The following KLHL2 variants were observed in gnomAD, a reference collection of about 807,000 sequenced individuals.
KLHL2 encodes the protein kelch-like protein 2.
KLHL2 carries 15 observed loss-of-function variants against 75.8 expected under a neutral mutation model. The ratio of observed to expected loss-of-function variants is 0.20; its 90% CI spans 0.13 to 0.30. The LOEUF (loss-of-function observed/expected upper bound fraction) is 0.30. KLHL2 is among the 10% of genes least tolerant of loss of function. KLHL2 has a pLI of 1.00. For missense variants in KLHL2, 381 were observed against 741.0 expected, an observed-to-expected ratio of 0.51 and a Z score of 5.64; for synonymous variants, 214 against 251.9, an observed-to-expected ratio of 0.85 and a Z score of 1.42.
At chr4:165,274,994 C>T (rs1742969288) in intron 5 of KLHL2, among the ~76,000 whole-genome samples, 1 of 152,162 alleles carries the variant, frequency 6.6e-6, no homozygotes, top group Non-Finnish European at 1.5e-5. Flanking sequence ...TTCTCCAAGG[C>T]GTGGAGTGAC....
chr4:165,242,107 G>GT (rs33991007), intron 4 of KLHL2, among the ~76,000 whole-genome samples: 21 of 151,250 alleles, frequency 1.4e-4, no homozygotes, highest in Non-Finnish European at 1.9e-4. Flanking sequence ...GAATTTACAG[G>GT]TTTTTTTTTA....
At chr4:165,286,090 C>A (rs1744071037) in intron 5 of KLHL2, among the ~76,000 whole-genome samples, 1 of 152,156 alleles carries the variant, frequency 6.6e-6, no homozygotes, top group South Asian at 2.1e-4. Flanking sequence ...ATTAGAGAAT[C>A]TTTATCAAAG....
chr4:165,262,951 A>T (rs1741817549), intron 4 of KLHL2, among the ~76,000 whole-genome samples: 1 of 152,122 alleles, frequency 6.6e-6, no homozygotes, highest in Non-Finnish European at 1.5e-5. Flanking sequence ...ATCTTATAAG[A>T]TCTGATATCT....
At chr4:165,219,344 T>A (rs1737801731) in intron 1 of KLHL2, among the ~76,000 whole-genome samples, 1 of 152,224 alleles carries the variant, frequency 6.6e-6, no homozygotes, top group Admixed American at 6.5e-5. Flanking sequence ...GCTCAGAGAG[T>A]TGTTGTGAGG....
At chr4:165,293,751 T>C (rs1032136444) in intron 5 of KLHL2, among the ~76,000 whole-genome samples, 45 of 151,050 alleles carry the variant, frequency 3.0e-4, no homozygotes, top group African/African-American at 1.1e-3. Flanking sequence ...CTCCTGACCT[T>C]GTGATCCGCC....
chr4:165,229,782 G>A (rs1738736891), intron 3 of KLHL2, among the ~76,000 whole-genome samples: 1 of 152,234 alleles, frequency 6.6e-6, no homozygotes, highest in Non-Finnish European at 1.5e-5. Flanking sequence ...TGACGGCTGT[G>A]ATGGGCAGCA....
chr4:165,308,937 T>G (rs1293013744), intron 9 of KLHL2, among the ~76,000 whole-genome samples: 1 of 152,152 alleles, frequency 6.6e-6, no homozygotes, highest in Non-Finnish European at 1.5e-5. Context: ...GAGGACTGCA[T>G]TTCCGTGTAT....
intron 2 of KLHL2, among the ~76,000 whole-genome samples, chr4:165,222,074 T>C (rs1303470843): frequency 6.6e-6 from 1 of 152,046 alleles, no homozygotes; most frequent in Non-Finnish European, 1.5e-5. Context: ...GGCTTTCTGC[T>C]GGTGTTAATG....
At chr4:165,232,478 C>G (rs111676979) in intron 3 of KLHL2, among the ~76,000 whole-genome samples, 30,933 of 151,480 alleles carry the variant, frequency 0.2, 3,808 homozygotes, top group Non-Finnish European at 0.29. Context: ...TGCCTGTAAT[C>G]CCAGCACTTT....
At chr4:165,215,747 A>G (rs1279513380) in intron 1 of KLHL2, among the ~76,000 whole-genome samples, 4 of 152,136 alleles carry the variant, frequency 2.6e-5, no homozygotes, top group Non-Finnish European at 5.9e-5. Context: ...AAAATACAAC[A>G]TATTTTCTAA....
intron 6 of KLHL2, among the ~76,000 whole-genome samples, chr4:165,295,302 A>G (rs1183624589): frequency 1.3e-5 from 2 of 152,182 alleles, no homozygotes; most frequent in East Asian, 3.8e-4. Context: ...TCTCAAGGCT[A>G]TTCATTTCAC....
In KLHL2 at chr4:165,224,061, C is replaced by G. The variant is rs558531388; in HGVS notation, c.152+4002C>G. 414 of 283,590 alleles carry G rather than the reference C, an allele frequency of 1.5e-3. 11 individuals are homozygous for G. The highest frequency in any genetic ancestry group is 0.011 in the South Asian group (411 of 36,918). 17.6% of individuals were successfully genotyped at this position (283,590 alleles called of 1,614,324 possible). ...TCCCGAGTAGCTGGGATTACAGGTGCGTGCCGTCACACCCAGCTAATTTTT... is the reference window on the plus strand; with the variant it reads ...TCCCGAGTAGCTGGGATTACAGGTGGGTGCCGTCACACCCAGCTAATTTTT... On this transcript the variant is annotated intron_variant, in intron 2 of 14. Transcript: ENST00000226725.
chr4:165,263,723 T>A (rs1212586238), intron 5 of KLHL2, among the ~76,000 whole-genome samples: 1 of 151,552 alleles, frequency 6.6e-6, no homozygotes, highest in Non-Finnish European at 1.5e-5. Flanking sequence ...GCTGTATGTA[T>A]TTTTCTTTCA....
At chr4:165,253,683 A>G (rs1041403544) in intron 4 of KLHL2, among the ~76,000 whole-genome samples, 3 of 152,086 alleles carry the variant, frequency 2.0e-5, no homozygotes, top group African/African-American at 7.2e-5. Context: ...TTCCCAATAA[A>G]TCTCCCACTC....
At chr4:165,231,406 G>A (rs1738876353) in intron 3 of KLHL2, among the ~76,000 whole-genome samples, 3 of 152,050 alleles carry the variant, frequency 2.0e-5, no homozygotes, top group South Asian at 4.1e-4. Context: ...CCAAGATGGT[G>A]CCATTGCATG....
intron 3 of KLHL2, among the ~76,000 whole-genome samples, chr4:165,229,910 G>A (rs1364349740): frequency 1.3e-5 from 2 of 152,252 alleles, no homozygotes; most frequent in African/African-American, 4.8e-5. Flanking sequence ...TGTCTTGGGA[G>A]TAGTGAGGAG....
At chr4:165,247,425 T>C (rs1740351654) in intron 4 of KLHL2, among the ~76,000 whole-genome samples, 1 of 152,180 alleles carries the variant, frequency 6.6e-6, no homozygotes, top group African/African-American at 2.4e-5. Flanking sequence ...TTTGTTTGTT[T>C]GTTTTGTTTT....
At chr4:165,283,338 G>T (rs142589851) in intron 5 of KLHL2, among the ~76,000 whole-genome samples, 1 of 152,306 alleles carries the variant, frequency 6.6e-6, no homozygotes, top group East Asian at 1.9e-4. Context: ...AGTCCCTTTC[G>T]CCTATGAGCC....
chr4:165,212,070 A>G (rs983365135), intron 1 of KLHL2, among the ~76,000 whole-genome samples: 3 of 152,130 alleles, frequency 2.0e-5, no homozygotes, highest in African/African-American at 7.2e-5. Context: ...GCATTTCTGT[A>G]GTGTTCTACC....
Sources: gnomAD v4.1 joint callset for allele counts (sites outside exome capture counted in the v4.1 genomes callset) on GRCh38, gnomAD v4.1.1 for gene constraint, MANE v1.5 for transcripts, NCBI Gene and HGNC (gene_info 2026-07-23, HGNC 2026-07-21) for gene names.